Variants in TCEAL4 observed in about 807,000 individuals in gnomAD.
TCEAL4 encodes transcription elongation factor A protein-like 4.
Under a neutral mutation model 1.3 loss-of-function variants are expected in TCEAL4, and 1 was observed. The observed-to-expected ratio is 0.79, with a 90% CI of 0.28 to 3.76. TCEAL4 has a LOEUF of 3.76. Among genes scored for constraint, TCEAL4 ranks in the 30% most tolerant of loss-of-function variants. The pLI is 0.18. For synonymous variants in TCEAL4, 54 were observed against 50.7 expected, an observed-to-expected ratio of 1.06 and a Z score of -0.28; for missense variants, 129 against 154.7, an observed-to-expected ratio of 0.83 and a Z score of 0.88.
chrX:103,586,829 A>C lies in TCEAL4; in HGVS notation c.154A>C (p.Lys52Gln). The change falls in exon 3 of 3, where the codon AAA (lysine) becomes CAA (glutamine). Residue 52 changes from lysine to glutamine, a missense_variant. Physicochemically the swap from Lys to Gln is moderately conservative, Grantham distance 53 (BLOSUM62 1). Coordinates refer to ENST00000472484, the MANE Select transcript of TCEAL4 (RefSeq NM_001006935.3). ...ENEGKTENKG[K>Q]TGDEEMLKDK... The stretch of plus-strand genomic sequence containing the variant: ...CGAGGGAAAGACAGAAAACAAGGGC[A>C]AAACAGGAGATGAGGAAATGTTAAA... 8.3e-7 allele frequency: 1 copy of C among 1,206,318 alleles called. No individual in the cohort carries two copies. Among genetic ancestry groups the C allele is most frequent in the Non-Finnish European group, 1.1e-6 (1 of 892,487 alleles).
At chrX:103,577,316 A>AGC in intron 2 of TCEAL4, 2 of 996,557 alleles carry the variant, frequency 2.0e-6, no homozygotes, top group Non-Finnish European at 2.7e-6. Flanking sequence ...AGAATTGATT[A>AGC]AATAAACTTT....
upstream of TCEAL4, among the ~76,000 whole-genome samples, chrX:103,584,621 C>T (rs1457441109): frequency 1.8e-5 from 2 of 112,401 alleles, no homozygotes; most frequent in African/African-American, 6.5e-5. Context: ...TGGAGATAAA[C>T]GGAGTCTACC....
At chrX:103,585,394 CA>C (rs918152951), upstream of TCEAL4, 7 of 871,033 alleles carry the variant, frequency 8.0e-6, no homozygotes, top group Non-Finnish European at 1.0e-5. Flanking sequence ...AAAAAAAGGA[CA>C]AAAGGGCCCA....
In TCEAL4 at chrX:103,586,223, G is replaced by A. The variant is rs751466830; in HGVS notation, c.-96G>A. The A allele has an allele frequency of 8.6e-6, 10 of 1,166,411 alleles. No homozygotes were observed. Among genetic ancestry groups the A allele is most frequent in the Non-Finnish European group, 1.1e-5 (10 of 872,978 alleles). The stretch of plus-strand genomic sequence containing the variant: ...CTGTCTCCTGTCTGTCTGCAGGTCT[G>A]CGCGTCTGTTGTTCCCAGCGCTCTG... On this transcript the variant is annotated 5_prime_UTR_variant, in exon 2 of 3. Transcript: ENST00000472484.
At chrX:103,586,070 G>A (rs2073542476) in intron 1 of TCEAL4, 149 bp from the exon 2 acceptor site, 1 of 1,092,864 alleles carries the variant, frequency 9.2e-7, no homozygotes, top group Admixed American at 3.6e-5. Flanking sequence ...TTTGGTGCCC[G>A]AGGCCTGGAA....
chrX:103,577,178 G>T (rs930583892), exon 2 of TCEAL4: 23 of 1,165,259 alleles, frequency 2.0e-5, no homozygotes, highest in Non-Finnish European at 2.2e-5. Context: ...TGTGGAGCGG[G>T]ACATAACAAC....
upstream of TCEAL4, among the ~76,000 whole-genome samples, chrX:103,581,155 A>G (rs2073506167): frequency 9.0e-6 from 1 of 111,313 alleles, no homozygotes; most frequent in Non-Finnish European, 1.9e-5. Flanking sequence ...TCCTGGACAC[A>G]TACAGCCTCC....
At chrX:103,582,654 G>C (rs2073513356), upstream of TCEAL4, among the ~76,000 whole-genome samples, 2 of 111,670 alleles carry the variant, frequency 1.8e-5, no homozygotes, top group South Asian at 3.8e-4. Flanking sequence ...CTAGCAATGG[G>C]GAAAGGATTC....
chrX:103,582,646 A>C (rs747353143), upstream of TCEAL4, among the ~76,000 whole-genome samples: 1 of 112,207 alleles, frequency 8.9e-6, no homozygotes, highest in East Asian at 2.8e-4. Context: ...GACAAAAACT[A>C]GCAATGGGGA....
exon 1 of TCEAL4, chrX:103,576,362 G>T (rs2073483504): frequency 1.0e-6 from 1 of 968,338 alleles, no homozygotes; most frequent in African/African-American, 1.9e-5. Context: ...AGGTTATTAA[G>T]GTTAGTATTG....
chrX:103,582,442 T>A (rs1454082020), upstream of TCEAL4, among the ~76,000 whole-genome samples: 11 of 111,972 alleles, frequency 9.8e-5, no homozygotes, highest in Admixed American at 1.0e-3. Flanking sequence ...AGAGCCCAAA[T>A]AGCCAAGACA....
At chrX:103,585,513 C>A (rs1222968565), upstream of TCEAL4, 2 of 1,134,978 alleles carry the variant, frequency 1.8e-6, no homozygotes, top group East Asian at 3.3e-5. Context: ...TTCACGTGAT[C>A]TGCACGGGCG....
rs953802144 is a variant in TCEAL4, at chrX:103,587,592, A to G, written c.*269A>G. The G allele has an allele frequency of 1.1e-5, 3 of 268,550 alleles. No homozygotes were observed. Among genetic ancestry groups the G allele is most frequent in the Middle Eastern group, 2.2e-3 (2 of 914 alleles). 22.1% of individuals were successfully genotyped at this position (268,550 alleles called of 1,213,427 possible). On this transcript the variant is annotated 3_prime_UTR_variant, in exon 3 of 3. Transcript: ENST00000472484. ...TAATATAGTATAGAAAACAATTCTGAAAGCTGTGTCCACTAAAAGATTAAC... is the reference window on the plus strand; with the variant it reads ...TAATATAGTATAGAAAACAATTCTGGAAGCTGTGTCCACTAAAAGATTAAC...
upstream of TCEAL4, among the ~76,000 whole-genome samples, chrX:103,583,711 G>C (rs2073518887): frequency 9.0e-6 from 1 of 111,459 alleles, no homozygotes; most frequent in Non-Finnish European, 1.9e-5. Context: ...GCTGGGGGCA[G>C]GGAGGGAGAG....
chrX:103,584,956 C>T (rs1159354970), upstream of TCEAL4, among the ~76,000 whole-genome samples: 1 of 112,904 alleles, frequency 8.9e-6, no homozygotes, highest in Non-Finnish European at 1.9e-5. Context: ...AACATTTCTG[C>T]AGATGCTATA....
rs2073560016 is a variant in TCEAL4, at chrX:103,587,022, G to A, written c.347G>A (p.Arg116His). 3.3e-6 allele frequency: 4 copies of A among 1,211,086 alleles called. No individual in the cohort carries two copies. The highest frequency in any genetic ancestry group is 1.8e-5 in the South Asian group (1 of 56,933). Residue 116 changes from arginine to histidine, a missense_variant, in exon 3 of 3, where the codon CGC becomes CAC. This residue lies in a region of TCEAL4 where 116 missense variants were observed against 120.3 expected (regional missense o/e 0.96). Coordinates refer to ENST00000472484, the MANE Select transcript of TCEAL4 (RefSeq NM_001006935.3). ...AGTGAAACAAGGGCTGCAGGAAAGC[G>A]CCCAGCTGAGGATGATGTACCCAGG... ...PGSETRAAGK[R>H]PAEDDVPRKA...
At chrX:103,584,249 T>C (rs1395129929), upstream of TCEAL4, among the ~76,000 whole-genome samples, 1 of 111,633 alleles carries the variant, frequency 9.0e-6, no homozygotes. Flanking sequence ...TTTTAAATAA[T>C]TTACAAAGTT....
chrX:103,577,356 A>G (rs2073488833), intron 2 of TCEAL4: 3 of 732,886 alleles, frequency 4.1e-6, no homozygotes, highest in Non-Finnish European at 3.9e-6. Flanking sequence ...ATATTATGCA[A>G]CCATTAAAAT....
Position 103,587,404 on chromosome X carries a change from C to T in TCEAL4, c.*81C>T. On this transcript the variant is annotated 3_prime_UTR_variant, in exon 3 of 3. Coordinates refer to ENST00000472484, the MANE Select transcript of TCEAL4 (RefSeq NM_001006935.3). ...CTTTAGGCATCCCTCCTGTTGCTAG[C>T]AGCCTTTTGACCTATCTGCAATGCA... The T allele has an allele frequency of 9.3e-7, 1 of 1,074,211 alleles. No individual in the cohort carries two copies. Among genetic ancestry groups the T allele is most frequent in the South Asian group, 2.5e-5 (1 of 39,962 alleles). 88.5% of individuals were successfully genotyped at this position (1,074,211 alleles called of 1,213,427 possible).
Sources: gnomAD v4.1 joint callset for allele counts (sites outside exome capture counted in the v4.1 genomes callset) on GRCh38, gnomAD v4.1.1 for gene constraint, gnomAD v4.1.1 regional missense constraint, MANE v1.5 for transcripts, NCBI Gene and HGNC (gene_info 2026-07-23, HGNC 2026-07-21) for gene names.